HIVEP1: variants seen among roughly 807,000 people sequenced by gnomAD.
HIVEP1 encodes the protein HIVEP zinc finger 1.
HIVEP1 carries 36 observed loss-of-function variants against 180.0 expected under a neutral mutation model. The ratio of observed to expected loss-of-function variants is 0.20; its 90% CI spans 0.15 to 0.26. The LOEUF is 0.26. Among genes scored for constraint, HIVEP1 ranks in the 10% least tolerant of loss-of-function variants. The probability of loss-of-function intolerance (pLI) is 1.00; values close to 1 mark genes in which losing one functional copy is unlikely to be tolerated. For synonymous variants in HIVEP1, 1,239 were observed against 1,239.0 expected, an observed-to-expected ratio of 1.00 and a Z score of 0.00; for missense variants, 3,143 against 3,268.7, an observed-to-expected ratio of 0.96 and a Z score of 0.94.
At chr6:12,183,497 A>G in the HIVEP1 span, among the ~76,000 whole-genome samples, 1 of 152,248 alleles carries the variant, frequency 6.6e-6, no homozygotes, top group Non-Finnish European at 1.5e-5. Context: ...TCTTTCAGAT[A>G]AAAGCCCTTC....
chr6:12,020,415 C>G (rs1768107315), intron 2 of HIVEP1: 1 of 471,050 alleles, frequency 2.1e-6, no homozygotes, highest in South Asian at 1.5e-5. Context: ...TCCGCATGGT[C>G]TTGGTGAGTT....
chr6:12,074,634 G>GTGTGTGTGTGTGTGTGTGTGTGTGTA (rs1215999225), intron 2 of HIVEP1, among the ~76,000 whole-genome samples: 3 of 115,038 alleles, frequency 2.6e-5, no homozygotes, highest in Admixed American at 8.4e-5. Flanking sequence ...GTGTGTGTGT[G>GTGTGTGTGTGTGTGTGTGTGTGTGTA]TGTGTGTGTG....
At chr6:12,110,828 CTA>C (rs1774841624) in intron 3 of HIVEP1, among the ~76,000 whole-genome samples, 1 of 152,242 alleles carries the variant, frequency 6.6e-6, no homozygotes, top group Non-Finnish European at 1.5e-5. Context: ...AGCCTTCAGC[CTA>C]TCTCAGCTTT....
the HIVEP1 span, among the ~76,000 whole-genome samples, chr6:12,181,999 C>T: frequency 6.6e-6 from 1 of 152,154 alleles, no homozygotes; most frequent in African/African-American, 2.4e-5. Context: ...TATTTCTTCT[C>T]CTGAAAGCTG....
intron 7 of HIVEP1, among the ~76,000 whole-genome samples, chr6:12,139,846 G>T (rs1004051492): frequency 1.1e-4 from 16 of 152,224 alleles, no homozygotes; most frequent in Non-Finnish European, 2.2e-4. Flanking sequence ...AGCTCAAACT[G>T]GGCAGAGCCC....
the HIVEP1 span, among the ~76,000 whole-genome samples, chr6:12,176,984 T>C: frequency 6.6e-6 from 1 of 152,144 alleles, no homozygotes; most frequent in African/African-American, 2.4e-5. Flanking sequence ...TATGCAGCCA[T>C]GAAAAAGAAC....
intron 8 of HIVEP1, among the ~76,000 whole-genome samples, chr6:12,162,671 T>A (rs549081420): frequency 2.6e-5 from 4 of 152,212 alleles, no homozygotes; most frequent in Non-Finnish European, 5.9e-5. Context: ...TATGCCTAAT[T>A]GTGGCAGATT....
At position 12,123,454 on chromosome 6, in the gene HIVEP1, T is replaced by C. The variant is rs746863165; in HGVS notation, c.3659T>C (p.Leu1220Ser). The C allele has an allele frequency of 2.8e-5, 46 of 1,614,062 alleles. No individual in the cohort carries two copies. The highest frequency in any genetic ancestry group is 6.7e-5 in the Admixed American group (4 of 60,006). The change falls in exon 4 of 9, where the codon TTA (leucine) becomes TCA (serine). Residue 1220 changes from leucine to serine, a missense_variant. Leu to Ser is a moderately radical substitution (Grantham distance 145). Transcript: ENST00000379388. ...AAGAGTCCAAGTGAACGACATGTGT[T>C]AGGACAGCCCTCAAGACTTGTCCGG... ...SRKSPSERHV[L>S]GQPSRLVRQH... is the part of the protein sequence containing the mutation.
At chr6:12,050,019 G>A (rs539320904) in intron 2 of HIVEP1, among the ~76,000 whole-genome samples, 61 of 152,280 alleles carry the variant, frequency 4.0e-4, no homozygotes, top group African/African-American at 1.4e-3. Context: ...GGTGCTCAGA[G>A]TCTGCCCCTG....
chr6:12,089,443 A>G (rs1773321522), intron 3 of HIVEP1, among the ~76,000 whole-genome samples: 6 of 152,130 alleles, frequency 3.9e-5, no homozygotes, highest in Admixed American at 3.9e-4. Context: ...TGTTTCCCAC[A>G]TATTAATGTA....
Position 12,120,943 on chromosome 6 carries a change from T to C in HIVEP1, c.1148T>C (p.Val383Ala). ...IYNSTHVASV[V>A]NQSVEQMCNL... is the part of the protein sequence containing the mutation. ...AATTCAACTCATGTTGCCTCTGTTGTTAATCAAAGCGTAGAGCAAATGTGC... is the reference window on the plus strand; with the variant it reads ...AATTCAACTCATGTTGCCTCTGTTGCTAATCAAAGCGTAGAGCAAATGTGC... Residue 383 changes from valine to alanine, a missense_variant, in exon 4 of 9, where the codon GTT becomes GCT. Transcript: ENST00000379388. 3.1e-6 allele frequency: 5 copies of C among 1,614,134 alleles called. No homozygotes were observed. In the South Asian group the frequency reaches 5.5e-5, roughly 18 times the overall value.
chr6:12,125,282 T>C lies in HIVEP1; in HGVS notation c.5487T>C (p.Asn1829=), dbSNP rs1393736489. ...SQPEISNEAV[N]LTNVLPADNS... ...CTGAAATTAGTAATGAGGCTGTTAA[T>C]TTGACAAATGTTTTACCAGCTGATA... The change falls in exon 4 of 9, where the codon AAT becomes AAC. Residue 1829 remains asparagine, a synonymous_variant. Coordinates refer to ENST00000379388, the MANE Select transcript of HIVEP1 (RefSeq NM_002114.4). 6.2e-7 allele frequency: 1 copy of C among 1,613,990 alleles called. No individual in the cohort carries two copies. The highest frequency in any genetic ancestry group is 1.7e-5 in the Admixed American group (1 of 59,998).
intron 2 of HIVEP1, among the ~76,000 whole-genome samples, chr6:12,072,203 G>A (rs1381184758): frequency 6.6e-6 from 1 of 151,768 alleles, no homozygotes; most frequent in Non-Finnish European, 1.5e-5. Flanking sequence ...TCCATCTGTT[G>A]TCATTTTCCA....
the HIVEP1 span, among the ~76,000 whole-genome samples, chr6:12,205,335 G>A: frequency 6.6e-6 from 1 of 152,110 alleles, no homozygotes; most frequent in Non-Finnish European, 1.5e-5. Flanking sequence ...GCCAGGCTTG[G>A]TGGCAGGCGC....
intron 2 of HIVEP1, among the ~76,000 whole-genome samples, chr6:12,032,175 C>G (rs1230832867): frequency 7.2e-6 from 1 of 138,228 alleles, no homozygotes; most frequent in South Asian, 2.3e-4. Flanking sequence ...GAGTCTTGCT[C>G]TGTCGCCCAG....
At chr6:12,187,546 C>T in the HIVEP1 span, among the ~76,000 whole-genome samples, 1 of 152,088 alleles carries the variant, frequency 6.6e-6, no homozygotes, top group Non-Finnish European at 1.5e-5. Flanking sequence ...GATATAGATC[C>T]CCAATCCTGA....
chr6:12,041,925 C>T (rs1769759300), intron 2 of HIVEP1, among the ~76,000 whole-genome samples: 1 of 151,758 alleles, frequency 6.6e-6, no homozygotes, highest in African/African-American at 2.4e-5. Flanking sequence ...TCCCAAAGTG[C>T]TGGGGTTATA....
chr6:12,023,202 T>C (rs1368722014), intron 2 of HIVEP1, among the ~76,000 whole-genome samples: 1 of 152,212 alleles, frequency 6.6e-6, no homozygotes, highest in African/African-American at 2.4e-5. Flanking sequence ...TTAAGATGAA[T>C]GTTTTCATTT....
chr6:12,011,805 C>T (rs993192060), upstream of HIVEP1, among the ~76,000 whole-genome samples: 4 of 147,952 alleles, frequency 2.7e-5, no homozygotes, highest in Admixed American at 2.7e-4. Flanking sequence ...CCCAGCTGGG[C>T]CCCGGCGCCT....
Sources: gnomAD v4.1 joint callset for allele counts (sites outside exome capture counted in the v4.1 genomes callset) on GRCh38, gnomAD v4.1.1 for gene constraint, MANE v1.5 for transcripts, NCBI Gene and HGNC (gene_info 2026-07-23, HGNC 2026-07-21) for gene names.